KSR2: variants seen among roughly 807,000 people sequenced by gnomAD.
The protein encoded by KSR2 is kinase suppressor of ras 2.
A neutral mutation model predicts 107.8 loss-of-function variants in KSR2; 25 were observed. The observed-to-expected ratio is 0.23, with a 90% CI of 0.17 to 0.32. The LOEUF (loss-of-function observed/expected upper bound fraction) is 0.32. Ranked by LOEUF, KSR2 falls within the 10% of genes least tolerant of loss-of-function variation. The pLI is 1.00. For synonymous variants in KSR2, 480 were observed against 507.0 expected, an observed-to-expected ratio of 0.95 and a Z score of 0.71; for missense variants, 887 against 1,268.9, an observed-to-expected ratio of 0.70 and a Z score of 4.57.
At chr12:117,559,739 T>C (rs1565900496) in intron 7 of KSR2, among the ~76,000 whole-genome samples, 1 of 152,214 alleles carries the variant, frequency 6.6e-6, no homozygotes, top group Non-Finnish European at 1.5e-5. Context: ...TGGAGTTGCC[T>C]GACTTCACAA....
intron 5 of KSR2, among the ~76,000 whole-genome samples, chr12:117,634,015 C>G (rs1414430434): frequency 1.3e-5 from 2 of 152,196 alleles, no homozygotes; most frequent in Admixed American, 1.3e-4. Flanking sequence ...TTTCCCATTT[C>G]CTATCTGGCA....
At chr12:117,607,208 T>C (rs146631450) in intron 5 of KSR2, among the ~76,000 whole-genome samples, 213 of 152,312 alleles carry the variant, frequency 1.4e-3, no homozygotes, top group African/African-American at 4.9e-3. Flanking sequence ...AACGAAGACC[T>C]AGTTGCATTA....
intron 1 of KSR2, among the ~76,000 whole-genome samples, chr12:117,866,836 A>T (rs1192660016): frequency 1.7e-5 from 2 of 121,070 alleles, no homozygotes; most frequent in Non-Finnish European, 3.2e-5. Flanking sequence ...TCTCAAAAAA[A>T]ATTAAAAAAA....
chr12:117,579,067 T>C (rs1879475124), intron 7 of KSR2, 52 bp downstream of exon 7: 1 of 1,313,282 alleles, frequency 7.6e-7, no homozygotes, highest in African/African-American at 1.4e-5. Context: ...CCTGCATGGT[T>C]CTAGCTGACA....
intron 1 of KSR2, among the ~76,000 whole-genome samples, chr12:117,934,453 G>A (rs762352337): frequency 1.3e-5 from 2 of 152,184 alleles, no homozygotes; most frequent in Non-Finnish European, 2.9e-5. Context: ...TTCTGCCACC[G>A]TAAGGAAAGG....
intron 1 of KSR2, among the ~76,000 whole-genome samples, chr12:117,932,921 G>A (rs1895734814): frequency 6.6e-6 from 1 of 152,134 alleles, no homozygotes; most frequent in South Asian, 2.1e-4. Context: ...GCTGAGGCAG[G>A]AGAATCGCTT....
At chr12:117,698,589 G>A (rs1886166008) in intron 4 of KSR2, among the ~76,000 whole-genome samples, 1 of 152,012 alleles carries the variant, frequency 6.6e-6, no homozygotes, top group African/African-American at 2.4e-5. Context: ...GCTTCCCAAA[G>A]TACTAGGATT....
intron 1 of KSR2, among the ~76,000 whole-genome samples, chr12:117,913,071 G>A (rs960053279): frequency 2.1e-4 from 32 of 152,214 alleles, no homozygotes; most frequent in African/African-American, 7.7e-4. Flanking sequence ...TGGGGACAGG[G>A]AAACCGTGAC....
At chr12:117,617,089 ATG>A (rs1475062599) in intron 5 of KSR2, among the ~76,000 whole-genome samples, 2 of 152,114 alleles carry the variant, frequency 1.3e-5, no homozygotes, top group Admixed American at 1.3e-4. Flanking sequence ...CCAAAGCTTG[ATG>A]TCTTTTGTCT....
At chr12:117,932,641 G>A (rs1895725440) in intron 1 of KSR2, among the ~76,000 whole-genome samples, 2 of 152,124 alleles carry the variant, frequency 1.3e-5, no homozygotes, top group South Asian at 4.1e-4. Flanking sequence ...AGGATAACCT[G>A]AGCCCAGGAG....
At chr12:117,794,258 T>C (rs1004991169) in intron 3 of KSR2, among the ~76,000 whole-genome samples, 727 of 17,648 alleles carry the variant, frequency 0.041, no homozygotes, top group Middle Eastern at 0.25. Context: ...CATGCACACA[T>C]ACACCAACAT....
chr12:117,765,258 C>A lies in KSR2; in HGVS notation c.473-3734G>T, dbSNP rs1410561511. ...CTGTTTAAGAAAGTCAATCTATTTTCTAAGCTGTCTTAATCAAATACTGCA... is the reference window on the plus strand; with the variant it reads ...CTGTTTAAGAAAGTCAATCTATTTTATAAGCTGTCTTAATCAAATACTGCA... On this transcript the variant is annotated intron_variant, in intron 3 of 19. Coordinates refer to ENST00000339824, the MANE Select transcript of KSR2 (RefSeq NM_173598.6). Among the ~76,000 whole-genome samples, 3 of 152,186 alleles carry A rather than the reference C, an allele frequency of 2.0e-5. No homozygotes were observed. The East Asian group carries it at 5.8e-4, about 29-fold the overall frequency.
chr12:117,889,873 A>G (rs1056655749), intron 1 of KSR2: 2 of 152,230 alleles, frequency 1.3e-5, no homozygotes, highest in African/African-American at 4.8e-5. Flanking sequence ...CTTTCAATAC[A>G]CAGGACAGAT....
chr12:117,591,051 T>C (rs1488424109), intron 5 of KSR2, among the ~76,000 whole-genome samples: 1 of 152,142 alleles, frequency 6.6e-6, no homozygotes, highest in African/African-American at 2.4e-5. Context: ...GTGAGGTGCA[T>C]TGTTTTGATC....
intron 4 of KSR2, among the ~76,000 whole-genome samples, chr12:117,733,642 A>G (rs992141433): frequency 1.6e-4 from 25 of 152,198 alleles, no homozygotes; most frequent in African/African-American, 5.8e-4. Flanking sequence ...AAAATTTGCC[A>G]GCCCCTGTCA....
intron 5 of KSR2, among the ~76,000 whole-genome samples, chr12:117,657,333 T>G (rs1565947403): frequency 6.6e-6 from 1 of 152,034 alleles, no homozygotes; most frequent in Non-Finnish European, 1.5e-5. Context: ...AGTCACAACA[T>G]GAACAGAGCC....
intron 5 of KSR2, among the ~76,000 whole-genome samples, chr12:117,639,267 A>G (rs1467274055): frequency 6.6e-6 from 1 of 151,994 alleles, no homozygotes; most frequent in African/African-American, 2.4e-5. Flanking sequence ...ACATATACAT[A>G]TAAGCACATA....
chr12:117,678,354 C>A (rs781171379), intron 4 of KSR2, among the ~76,000 whole-genome samples: 22 of 151,998 alleles, frequency 1.4e-4, no homozygotes, highest in South Asian at 8.3e-4. Context: ...ACTACCCCCA[C>A]CCCGCCCCCA....
At chr12:117,729,821 G>A (rs982043879) in intron 4 of KSR2, among the ~76,000 whole-genome samples, 1 of 152,142 alleles carries the variant, frequency 6.6e-6, no homozygotes, top group Non-Finnish European at 1.5e-5. Flanking sequence ...AAGAACTCAT[G>A]GTCCAGGATT....
Sources: gnomAD v4.1 joint callset for allele counts (sites outside exome capture counted in the v4.1 genomes callset) on GRCh38, gnomAD v4.1.1 for gene constraint, MANE v1.5 for transcripts, NCBI Gene and HGNC (gene_info 2026-07-23, HGNC 2026-07-21) for gene names.